NPAS2: variants seen among roughly 807,000 people sequenced by gnomAD.
NPAS2 encodes the protein neuronal PAS domain-containing protein 2.
In NPAS2, 23 loss-of-function variants were observed where a neutral mutation model predicts 107.5. That is an observed-to-expected ratio of 0.21 (90% CI 0.15 to 0.30). The LOEUF is 0.30. NPAS2 is among the 10% of genes least tolerant of loss of function. NPAS2 has a pLI of 1.00. For missense variants in NPAS2, 756 were observed against 1,043.3 expected, an observed-to-expected ratio of 0.72 and a Z score of 3.79; for synonymous variants, 403 against 417.5, an observed-to-expected ratio of 0.97 and a Z score of 0.42.
intron 3 of NPAS2, among the ~76,000 whole-genome samples, chr2:100,930,685 A>G (rs1170757038): frequency 6.6e-6 from 1 of 152,184 alleles, no homozygotes; most frequent in Non-Finnish European, 1.5e-5. Context: ...TTGTTGAAAT[A>G]CAAAGTGAAT....
rs1413277583 is a variant in NPAS2, at chr2:100,928,021, A to G, written c.181+2727A>G. On this transcript the variant is annotated intron_variant, in intron 3 of 20. Transcript: ENST00000335681. ...TGTCTCTTCCACTGAACATTTTCCT[A>G]GACAAGATGATTTCATAAAAGAGGG... Among the ~76,000 whole-genome samples the G allele has an allele frequency of 2.0e-5, 3 of 152,326 alleles. No individual in the cohort carries two copies. The East Asian group carries it at 5.8e-4, about 29-fold the overall frequency.
Position 100,892,596 on chromosome 2 carries a change from G to A in NPAS2, c.-22-12137G>A, listed in dbSNP as rs755164416. 6.4e-4 allele frequency among the ~76,000 whole-genome samples: 97 copies of A among 152,162 alleles called. 1 individual carries two copies. Among genetic ancestry groups the A allele is most frequent in the Admixed American group, 1.4e-3 (21 of 15,274 alleles). Reference sequence around the variant, plus strand: ...TAGGATTGGATCTGTCCGCCTTGCCGTTTCCAGGTCAGAGAATGTGCCAGA... The same window carrying A: ...TAGGATTGGATCTGTCCGCCTTGCCATTTCCAGGTCAGAGAATGTGCCAGA... On this transcript the variant is annotated intron_variant, in intron 1 of 20. Coordinates refer to ENST00000335681, the MANE Select transcript of NPAS2 (RefSeq NM_002518.4).
rs1243793647 is a variant in NPAS2, at chr2:100,937,746, T to C, written c.274-7T>C. ...TAAGGAGCTTTCAAATGTTGCATTT[T>C]CCACAGGCATTAGATGGCTTCATTA... On this transcript the variant is annotated splice_polypyrimidine_tract_variant and splice_region_variant and intron_variant, in intron 4 of 20. Coordinates refer to ENST00000335681, the MANE Select transcript of NPAS2 (RefSeq NM_002518.4). 4.3e-6 allele frequency: 7 copies of C among 1,611,930 alleles called. No individual in the cohort carries two copies. The highest frequency in any genetic ancestry group is 5.9e-6 in the Non-Finnish European group (7 of 1,178,054).
chr2:100,895,541 G>A (rs1251086889), intron 1 of NPAS2, among the ~76,000 whole-genome samples: 2 of 152,206 alleles, frequency 1.3e-5, no homozygotes, highest in African/African-American at 4.8e-5. Context: ...GACACCCAGT[G>A]TGCCCCAGTA....
At chr2:100,906,520 G>A (rs1363876195) in intron 2 of NPAS2, among the ~76,000 whole-genome samples, 2 of 152,202 alleles carry the variant, frequency 1.3e-5, no homozygotes, top group African/African-American at 4.8e-5. Context: ...AATACACTGA[G>A]TAGTGCTTTT....
chr2:100,879,272 T>C (rs1044183848), intron 1 of NPAS2, among the ~76,000 whole-genome samples: 3 of 152,206 alleles, frequency 2.0e-5, no homozygotes, highest in Admixed American at 6.5e-5. Context: ...TTACGGGATA[T>C]GTATAGACAG....
chr2:100,990,768 C>T lies in NPAS2; in HGVS notation c.2019-12C>T. On this transcript the variant is annotated splice_polypyrimidine_tract_variant and intron_variant, in intron 18 of 20. Transcript: ENST00000335681. ...GCTGATCAGTTTCCTATTTCCCCAC[C>T]TCTGCTTAAAGGCTGTTGCTGAGCC... 1 of 1,613,040 alleles carries T rather than the reference C, an allele frequency of 6.2e-7. No individual in the cohort carries two copies. The highest frequency in any genetic ancestry group is 8.5e-7 in the Non-Finnish European group (1 of 1,178,974).
At chr2:100,858,550 TGTG>T (rs1372155772) in intron 1 of NPAS2, among the ~76,000 whole-genome samples, 8 of 152,094 alleles carry the variant, frequency 5.3e-5, no homozygotes, top group African/African-American at 9.7e-5. Context: ...GCTGGCCTGA[TGTG>T]GTGGGGCTGG....
At chr2:100,942,420 A>C (rs1674629451) in intron 5 of NPAS2, among the ~76,000 whole-genome samples, 1 of 145,712 alleles carries the variant, frequency 6.9e-6, no homozygotes, top group Non-Finnish European at 1.5e-5. Context: ...ATTGATCCAC[A>C]TCATTTTGTC....
intron 1 of NPAS2, among the ~76,000 whole-genome samples, chr2:100,828,725 T>C (rs1676542673): frequency 6.6e-6 from 1 of 152,244 alleles, no homozygotes; most frequent in South Asian, 2.1e-4. Context: ...GCTTTATTTC[T>C]GAGTCCTCTC....
At chr2:100,910,523 CTTTTT>C (rs5832943) in intron 2 of NPAS2, among the ~76,000 whole-genome samples, 1 of 138,418 alleles carries the variant, frequency 7.2e-6, no homozygotes. Flanking sequence ...ATGACATCTT[CTTTTT>C]TTTTTTTTTT....
intron 2 of NPAS2, among the ~76,000 whole-genome samples, chr2:100,912,512 T>C (rs1209936676): frequency 6.6e-6 from 1 of 152,190 alleles, no homozygotes; most frequent in African/African-American, 2.4e-5. Flanking sequence ...TGCTCATGGA[T>C]CTTTGACTAG....
chr2:100,866,374 A>G (rs528932954), intron 1 of NPAS2, among the ~76,000 whole-genome samples: 2 of 152,284 alleles, frequency 1.3e-5, no homozygotes, highest in Middle Eastern at 6.8e-3. Context: ...TGTTTTATCT[A>G]CCCTCTTTCT....
At chr2:100,940,923 CAG>C (rs1674536119) in intron 5 of NPAS2, among the ~76,000 whole-genome samples, 1 of 152,280 alleles carries the variant, frequency 6.6e-6, no homozygotes, top group East Asian at 1.9e-4. Flanking sequence ...GGTCGGGACA[CAG>C]GGTAGTCAGG....
intron 1 of NPAS2, among the ~76,000 whole-genome samples, chr2:100,882,515 G>A (rs1359415548): frequency 1.3e-5 from 2 of 152,214 alleles, no homozygotes; most frequent in African/African-American, 4.8e-5. Context: ...GGGAGGCTGA[G>A]GCAGGAGAAT....
intron 1 of NPAS2, among the ~76,000 whole-genome samples, chr2:100,821,829 G>A (rs948562476): frequency 2.6e-5 from 4 of 152,194 alleles, no homozygotes; most frequent in Admixed American, 2.6e-4. Flanking sequence ...ATAGTGTAAT[G>A]TTTAAAAGAG....
intron 16 of NPAS2, chr2:100,986,253 C>A (rs1677770832): frequency 6.6e-6 from 1 of 152,164 alleles, no homozygotes; most frequent in South Asian, 2.1e-4. Flanking sequence ...GAACCCAGCC[C>A]CAGCTCAGCC....
intron 1 of NPAS2, among the ~76,000 whole-genome samples, chr2:100,842,643 CG>C (rs1402069173): frequency 6.6e-6 from 1 of 152,088 alleles, no homozygotes; most frequent in Non-Finnish European, 1.5e-5. Flanking sequence ...TTTCACAAAG[CG>C]GGTCCATATA....
Position 100,978,526 on chromosome 2 carries a change from A to AAAAG in NPAS2, c.1482+751_1482+754dup, listed in dbSNP as rs137857480. Among the ~76,000 whole-genome samples the AAAAG allele has an allele frequency of 9.1e-3, 1,374 of 151,622 alleles. 26 individuals carry two copies. Among genetic ancestry groups the AAAAG allele is most frequent in the African/African-American group, 0.026 (1,077 of 41,162 alleles). On this transcript the variant is annotated intron_variant, in intron 15 of 20. Transcript: ENST00000335681. The stretch of plus-strand genomic sequence containing the variant: ...TATAAATATCACATTTGTTTAAAAA[A>AAAAG]AAAGAAAGAAAGAAAGAAAGAAAGA...
Sources: allele counts gnomAD v4.1 joint callset (sites outside exome capture counted in the v4.1 genomes callset), GRCh38; gene constraint gnomAD v4.1.1; transcripts MANE v1.5; gene names NCBI Gene and HGNC (gene_info 2026-07-23, HGNC 2026-07-21).